The following IL1RAPL2 variants were observed in gnomAD, a reference collection of about 807,000 sequenced individuals.
The protein encoded by IL1RAPL2 is interleukin 1 receptor accessory protein like 2.
In IL1RAPL2, 3 loss-of-function variants were observed where a neutral mutation model predicts 44.1. The ratio of observed to expected loss-of-function variants is 0.07; its 90% confidence interval spans 0.03 to 0.18. IL1RAPL2 has a LOEUF of 0.18. Among genes scored for constraint, IL1RAPL2 ranks in the 10% least tolerant of loss-of-function variants. The pLI is 1.00. For missense variants in IL1RAPL2, 391 were observed against 496.4 expected, an observed-to-expected ratio of 0.79 and a Z score of 2.02; for synonymous variants, 181 against 178.8, an observed-to-expected ratio of 1.01 and a Z score of -0.10.
At chrX:104,986,078 A>G (rs2030555096) in intron 2 of IL1RAPL2, among the ~76,000 whole-genome samples, 1 of 111,498 alleles carries the variant, frequency 9.0e-6, no homozygotes, top group African/African-American at 3.3e-5. Flanking sequence ...CTCAAATTCT[A>G]CCTCTTCTCT....
intron 5 of IL1RAPL2, among the ~76,000 whole-genome samples, chrX:105,355,354 C>A (rs962691397): frequency 9.0e-6 from 1 of 110,925 alleles, no homozygotes; most frequent in African/African-American, 3.3e-5. Context: ...TTTTGCTTGC[C>A]GATTTTAATT....
intron 7 of IL1RAPL2, among the ~76,000 whole-genome samples, chrX:105,735,717 C>T (rs189847989): frequency 2.9e-4 from 32 of 111,358 alleles, no homozygotes; most frequent in African/African-American, 1.0e-3. Flanking sequence ...CTGTGTACAT[C>T]GTGTCTCCTC....
At chrX:105,064,544 A>G (rs1204247283) in intron 2 of IL1RAPL2, among the ~76,000 whole-genome samples, 1 of 112,086 alleles carries the variant, frequency 8.9e-6, no homozygotes, top group Non-Finnish European at 1.9e-5. Flanking sequence ...CCAATGTATA[A>G]CTTGGCTACT....
chrX:105,686,399 A>G (rs1451654204), intron 6 of IL1RAPL2, among the ~76,000 whole-genome samples: 1 of 105,491 alleles, frequency 9.5e-6, no homozygotes, highest in Non-Finnish European at 1.9e-5. Context: ...AAAAAAAAAA[A>G]AAAAAAGCAG....
intron 1 of IL1RAPL2, among the ~76,000 whole-genome samples, chrX:104,603,146 T>C (rs1164743960): frequency 9.0e-6 from 1 of 111,255 alleles, no homozygotes; most frequent in African/African-American, 3.3e-5. Context: ...GCAGCAATCT[T>C]TGCTGTTCTG....
At chrX:105,428,558 T>G (rs2035826723) in intron 5 of IL1RAPL2, among the ~76,000 whole-genome samples, 1 of 111,836 alleles carries the variant, frequency 8.9e-6, no homozygotes, top group Non-Finnish European at 1.9e-5. Flanking sequence ...GGGAGTTGTG[T>G]TCACCTTCTT....
At chrX:105,705,095 A>C (rs1176817269) in intron 6 of IL1RAPL2, among the ~76,000 whole-genome samples, 1 of 110,636 alleles carries the variant, frequency 9.0e-6, no homozygotes, top group Non-Finnish European at 1.9e-5. Flanking sequence ...ACTCATGTGC[A>C]CACATACACT....
chrX:104,880,100 C>T (rs5917162), intron 2 of IL1RAPL2, among the ~76,000 whole-genome samples: 46,409 of 109,936 alleles, frequency 0.42, 7,156 homozygotes, highest in East Asian at 0.46. Flanking sequence ...CTACTCTTTA[C>T]TTCTCCTTTA....
chrX:104,672,460 T>C (rs1930629970), intron 2 of IL1RAPL2, among the ~76,000 whole-genome samples: 1 of 109,244 alleles, frequency 9.2e-6, no homozygotes, highest in Admixed American at 9.8e-5. Context: ...TATTCCATGG[T>C]GTATATGTGC....
chrX:104,908,083 T>C (rs1336594729), intron 2 of IL1RAPL2, among the ~76,000 whole-genome samples: 25 of 110,698 alleles, frequency 2.3e-4, no homozygotes, highest in African/African-American at 7.6e-4. Context: ...CTTTTGATCT[T>C]TGTTGGTTTA....
chrX:104,669,917 T>C (rs1177059339), intron 2 of IL1RAPL2, among the ~76,000 whole-genome samples: 1 of 112,010 alleles, frequency 8.9e-6, no homozygotes, highest in Non-Finnish European at 1.9e-5. Flanking sequence ...CCAGAATATA[T>C]GGTGTGACTC....
Position 104,671,653 on chromosome X carries a change from C to T in IL1RAPL2, c.82+12658C>T, listed in dbSNP as rs137984581. Reference sequence around the variant, plus strand: ...TTTTTGAAGGCAAAAATTGTTTCCTCGATTCTCTATACCTGGTAGACTGCC... The same window carrying T: ...TTTTTGAAGGCAAAAATTGTTTCCTTGATTCTCTATACCTGGTAGACTGCC... On this transcript the variant is annotated intron_variant, in intron 2 of 10. Transcript: ENST00000372582. 4.1e-3 allele frequency among the ~76,000 whole-genome samples: 463 copies of T among 111,788 alleles called. 4 individuals carry two copies. The East Asian group carries it at 0.058, about 14-fold the overall frequency.
intron 6 of IL1RAPL2, among the ~76,000 whole-genome samples, chrX:105,566,836 A>G (rs375953996): frequency 2.7e-5 from 3 of 111,022 alleles, no homozygotes; most frequent in East Asian, 5.7e-4. Flanking sequence ...TCAAGGAGAG[A>G]TATGACAATC....
intron 6 of IL1RAPL2, among the ~76,000 whole-genome samples, chrX:105,695,561 C>T (rs2038070060): frequency 9.0e-6 from 1 of 111,218 alleles, no homozygotes; most frequent in Non-Finnish European, 1.9e-5. Context: ...CAGCTGCTTC[C>T]TTGGTATGTA....
intron 6 of IL1RAPL2, among the ~76,000 whole-genome samples, chrX:105,607,634 A>AC (rs2037303801): frequency 1.1e-5 from 1 of 88,499 alleles, no homozygotes; most frequent in Non-Finnish European, 2.2e-5. Flanking sequence ...CATTCAGCAG[A>AC]CAAAAAAAAA....
At chrX:105,360,455 A>C (rs1033378128) in intron 5 of IL1RAPL2, among the ~76,000 whole-genome samples, 1 of 111,547 alleles carries the variant, frequency 9.0e-6, no homozygotes, top group Non-Finnish European at 1.9e-5. Context: ...AGAGTGAGAC[A>C]GTTGATTCAC....
chrX:105,544,484 G>A (rs375018869), intron 6 of IL1RAPL2, among the ~76,000 whole-genome samples: 12 of 110,170 alleles, frequency 1.1e-4, no homozygotes, highest in East Asian at 5.7e-4. Flanking sequence ...TAGAAGTGGC[G>A]AAAGCAGACA....
At chrX:104,833,509 G>C (rs1033786457) in intron 2 of IL1RAPL2, among the ~76,000 whole-genome samples, 10 of 110,855 alleles carry the variant, frequency 9.0e-5, no homozygotes, top group African/African-American at 3.3e-4. Flanking sequence ...TTTTTAAAGC[G>C]AGCCTTCTGA....
intron 6 of IL1RAPL2, among the ~76,000 whole-genome samples, chrX:105,585,715 A>C (rs2037122383): frequency 1.5e-5 from 1 of 66,196 alleles, no homozygotes; most frequent in South Asian, 1.2e-3. Context: ...TTATGGCTGC[A>C]TAGTATTCCA....
Sources: allele counts gnomAD v4.1 joint callset (sites outside exome capture counted in the v4.1 genomes callset), GRCh38; gene constraint gnomAD v4.1.1; transcripts MANE v1.5; gene names NCBI Gene and HGNC (gene_info 2026-07-23, HGNC 2026-07-21).